TBX20: variants seen among roughly 807,000 people sequenced by gnomAD.
The protein encoded by TBX20 is T-box transcription factor TBX20.
Under a neutral mutation model 42.9 loss-of-function variants are expected in TBX20, and 8 were observed. That is an observed-to-expected ratio of 0.19 (90% CI 0.11 to 0.34). The LOEUF (loss-of-function observed/expected upper bound fraction) is 0.34. TBX20 is among the 10% of genes least tolerant of loss of function. The pLI, the probability that TBX20 is intolerant of heterozygous loss-of-function variation, is 1.00. For synonymous variants in TBX20, 198 were observed against 222.8 expected (o/e 0.89, Z 0.99); for missense variants, 411 against 566.0 (o/e 0.73, Z 2.78).
At chr7:35,234,578 A>G (rs1789927549) in intron 5 of TBX20, among the ~76,000 whole-genome samples, 1 of 152,224 alleles carries the variant, frequency 6.6e-6, no homozygotes. Context: ...TCCTAGGAGT[A>G]TCAGTGGAAA....
rs1332656855 is a variant in TBX20 at position 35,249,147 on chromosome 7, C to T, written c.381-306G>A. Among the ~76,000 whole-genome samples the T allele has an allele frequency of 5.3e-5, 8 of 152,096 alleles. No homozygotes were observed. Among genetic ancestry groups the T allele is most frequent in the African/African-American group, 1.7e-4 (7 of 41,406 alleles). On this transcript the variant is annotated intron_variant, in intron 2 of 7. Transcript: ENST00000408931. This position sits in a 1 kb window ranked among gnomAD's most constrained non-coding sequence, Gnocchi z 4.3. ...AGAAGGTCTGTGATTAGGGAAAATC[C>T]CATGCATTTTAACGATCAAGCACAT...
At chr7:35,232,044 A>G (rs1036545065) in intron 5 of TBX20, among the ~76,000 whole-genome samples, 2 of 152,202 alleles carry the variant, frequency 1.3e-5, no homozygotes, top group African/African-American at 4.8e-5. Context: ...ATACCATAAT[A>G]GATAAAAGGT....
intron 1 of TBX20, among the ~76,000 whole-genome samples, chr7:35,250,882 G>A (rs1338424332): frequency 6.6e-6 from 1 of 152,180 alleles, no homozygotes; most frequent in Non-Finnish European, 1.5e-5. Context: ...CTAGCATACA[G>A]CTTGCTAAAT....
chr7:35,207,218 T>G (rs1328909875), intron 6 of TBX20, among the ~76,000 whole-genome samples: 1 of 152,252 alleles, frequency 6.6e-6, no homozygotes, highest in African/African-American at 2.4e-5. Flanking sequence ...AATATGCATG[T>G]GCTGGTATTC....
At chr7:35,213,968 A>G (rs943399253) in intron 6 of TBX20, among the ~76,000 whole-genome samples, 14 of 151,074 alleles carry the variant, frequency 9.3e-5, no homozygotes, top group Non-Finnish European at 1.8e-4. Context: ...TGGGGGAGAG[A>G]ATAAGAAAAA....
chr7:35,250,271 C>T, intron 1 of TBX20, 68 bp from the exon 2 acceptor site: 1 of 1,441,572 alleles, frequency 6.9e-7, no homozygotes. Flanking sequence ...GAAAGAACAG[C>T]ATAACCAAAT....
chr7:35,223,387 A>G (rs1279454502), intron 6 of TBX20, among the ~76,000 whole-genome samples: 1 of 152,192 alleles, frequency 6.6e-6, no homozygotes, highest in Admixed American at 6.5e-5. Flanking sequence ...AATAGTCATC[A>G]GCTTTGGTCC....
chr7:35,248,935 G>C (rs1310040103), intron 2 of TBX20, 94 bp from the exon 3 acceptor site: 25 of 1,484,276 alleles, frequency 1.7e-5, no homozygotes, highest in Non-Finnish European at 2.1e-5. Context: ...GGGAAGGAGG[G>C]AAAGGGTCTG....
chr7:35,241,180 G>A (rs1473196723), intron 4 of TBX20, 143 bp from the exon 5 acceptor site: 4 of 695,144 alleles, frequency 5.8e-6, no homozygotes, highest in Non-Finnish European at 1.0e-5. Context: ...CCAGCCTTAA[G>A]GCAAATCATT....
At chr7:35,235,912 A>G (rs1789957007) in intron 5 of TBX20, among the ~76,000 whole-genome samples, 1 of 152,154 alleles carries the variant, frequency 6.6e-6, no homozygotes. Context: ...TCCAATTATC[A>G]GGAAAATATC....
chr7:35,204,022 A>T (rs558184337), intron 7 of TBX20, among the ~76,000 whole-genome samples: 1 of 152,192 alleles, frequency 6.6e-6, no homozygotes, highest in Non-Finnish European at 1.5e-5. Context: ...CATTAGGACA[A>T]TCCTCTTTTA....
chr7:35,210,357 C>T (rs1176161386), intron 6 of TBX20, among the ~76,000 whole-genome samples: 1 of 151,992 alleles, frequency 6.6e-6, no homozygotes, highest in Non-Finnish European at 1.5e-5. Flanking sequence ...CCTCATGATC[C>T]ACCTGCCTCA....
intron 6 of TBX20, among the ~76,000 whole-genome samples, 187 bp from the exon 7 acceptor site, chr7:35,204,769 C>T (rs1465132879): frequency 6.6e-6 from 1 of 152,136 alleles, no homozygotes; most frequent in African/African-American, 2.4e-5. Context: ...AGAGACATGA[C>T]CTCAGGTGTA....
intron 7 of TBX20, among the ~76,000 whole-genome samples, chr7:35,204,038 G>A (rs1187216952): frequency 3.3e-5 from 5 of 152,170 alleles, no homozygotes; most frequent in Non-Finnish European, 4.4e-5. Context: ...TTTTAAAAGT[G>A]TTTTCTATTT....
chr7:35,230,061 G>A lies in TBX20; in HGVS notation c.890+1443C>T, dbSNP rs529300655. On this transcript the variant is annotated intron_variant, in intron 6 of 7. Coordinates refer to ENST00000408931, the MANE Select transcript of TBX20 (RefSeq NM_001077653.2). ...AAAATACGACACACACTATAAAAAC[G>A]GATCACTATCACCCCACTGCATCAT... Among the ~76,000 whole-genome samples the A allele has an allele frequency of 3.6e-4, 55 of 152,046 alleles. 1 individual carries two copies. Among genetic ancestry groups the A allele is most frequent in the African/African-American group, 1.2e-3 (51 of 41,444 alleles).
rs1287447765 is a variant in TBX20, at chr7:35,247,522, T to A, written c.545+1155A>T. On this transcript the variant is annotated intron_variant, in intron 3 of 7. Transcript: ENST00000408931. ...CTTTTAATCTCTTTTCTAGTGCACT[T>A]AGCATACGATAAACTCAATAATATA... Among the ~76,000 whole-genome samples the A allele has an allele frequency of 2.6e-5, 4 of 152,192 alleles. No individual in the cohort carries two copies. In the East Asian group the frequency reaches 5.8e-4, roughly 22 times the overall value.
chr7:35,204,789 G>A (rs1789372877), intron 6 of TBX20, among the ~76,000 whole-genome samples: 1 of 152,146 alleles, frequency 6.6e-6, no homozygotes, highest in Non-Finnish European at 1.5e-5. Context: ...ATGACTGCAA[G>A]CAAACATGAC....
At chr7:35,253,470 G>A in intron 1 of TBX20, 24 bp downstream of exon 1, 1 of 1,602,810 alleles carries the variant, frequency 6.2e-7, no homozygotes, top group South Asian at 1.1e-5. Flanking sequence ...AGTCCTCGGC[G>A]GACAGCCGGG....
At chr7:35,223,630 G>T (rs1229378755) in intron 6 of TBX20, among the ~76,000 whole-genome samples, 2 of 152,214 alleles carry the variant, frequency 1.3e-5, no homozygotes, top group Non-Finnish European at 2.9e-5. Flanking sequence ...GCCAAGGGCT[G>T]CTGACAGGCC....
Sources: allele counts gnomAD v4.1 joint callset (sites outside exome capture counted in the v4.1 genomes callset), GRCh38; gene constraint gnomAD v4.1.1; non-coding constraint Gnocchi (gnomAD v3.1); transcripts MANE v1.5; gene names NCBI Gene and HGNC (gene_info 2026-07-23, HGNC 2026-07-21).